Variants in SLC24A2 observed in about 807,000 individuals in gnomAD.
The protein encoded by SLC24A2 is solute carrier family 24 member 2.
A neutral mutation model predicts 62.0 loss-of-function variants in SLC24A2; 36 were observed. The observed-to-expected ratio is 0.58, with a 90% CI of 0.44 to 0.77. The LOEUF (loss-of-function observed/expected upper bound fraction) is 0.77, where lower values mean the gene tolerates loss of function less well. Among genes scored for constraint, SLC24A2 ranks in the 30% least tolerant of loss-of-function variants. The pLI, the probability that SLC24A2 is intolerant of heterozygous loss-of-function variation, is 0.00. For synonymous variants in SLC24A2, 358 were observed against 294.0 expected (o/e 1.22, Z -2.23); for missense variants, 846 against 817.9 (o/e 1.03, Z -0.42).
chr9:20,157,817 A>C, the SLC24A2 span, among the ~76,000 whole-genome samples: 1 of 151,782 alleles, frequency 6.6e-6, no homozygotes, highest in African/African-American at 2.4e-5. Context: ...TTCCATCACC[A>C]TTAGCATCAT....
the SLC24A2 span, among the ~76,000 whole-genome samples, chr9:20,019,213 A>C: frequency 3.6e-5 from 5 of 140,428 alleles, no homozygotes; most frequent in Non-Finnish European, 7.7e-5. Context: ...AAAAGAAAGA[A>C]AGAAAGACAG....
the SLC24A2 span, among the ~76,000 whole-genome samples, chr9:20,264,000 C>A: frequency 2.0e-5 from 3 of 151,982 alleles, no homozygotes; most frequent in Non-Finnish European, 4.4e-5. Flanking sequence ...AGCTGGCCCA[C>A]GTATCTGGAA....
chr9:20,277,898 A>G, the SLC24A2 span, among the ~76,000 whole-genome samples: 1 of 152,196 alleles, frequency 6.6e-6, no homozygotes, highest in African/African-American at 2.4e-5. Context: ...ATGCAATACT[A>G]TGCAATCATA....
At chr9:19,981,652 C>A in the SLC24A2 span, among the ~76,000 whole-genome samples, 1 of 152,138 alleles carries the variant, frequency 6.6e-6, no homozygotes, top group African/African-American at 2.4e-5. Context: ...AGGGATGACT[C>A]TGTTTCAAGC....
chr9:19,555,346 A>AATAT (rs1835031226), intron 7 of SLC24A2, among the ~76,000 whole-genome samples: 1 of 152,202 alleles, frequency 6.6e-6, no homozygotes, highest in African/African-American at 2.4e-5. Flanking sequence ...TCTTAGAAAT[A>AATAT]CTATGAGTCA....
chr9:20,183,323 T>A, the SLC24A2 span, among the ~76,000 whole-genome samples: 1 of 152,136 alleles, frequency 6.6e-6, no homozygotes. Context: ...GGATCATAAA[T>A]ATAAGAAAGA....
the SLC24A2 span, among the ~76,000 whole-genome samples, chr9:19,842,081 A>G: frequency 2.0e-5 from 3 of 152,232 alleles, no homozygotes; most frequent in African/African-American, 7.2e-5. Context: ...GATTGATTAC[A>G]TTAGACATCT....
At chr9:20,158,102 A>C in the SLC24A2 span, among the ~76,000 whole-genome samples, 477 of 151,866 alleles carry the variant, frequency 3.1e-3, 4 homozygotes, top group South Asian at 0.021. Flanking sequence ...ACATAGAATC[A>C]AAAATTTAAG....
intron 2 of SLC24A2, among the ~76,000 whole-genome samples, chr9:19,729,932 T>A (rs1025167085): frequency 6.6e-6 from 1 of 152,196 alleles, no homozygotes; most frequent in Admixed American, 6.6e-5. Context: ...ATTACCCTGA[T>A]CTGATTACTA....
chr9:20,260,065 AGAGT>A, the SLC24A2 span, among the ~76,000 whole-genome samples: 5 of 152,368 alleles, frequency 3.3e-5, no homozygotes, highest in East Asian at 7.7e-4. Context: ...CCTGTGTGAC[AGAGT>A]GAGACCCTGT....
In SLC24A2 at chr9:19,745,879, C is replaced by T. The variant is rs142373461; in HGVS notation, c.930+40058G>A. 1.3e-3 allele frequency among the ~76,000 whole-genome samples: 199 copies of T among 152,252 alleles called. 1 individual carries two copies. Among genetic ancestry groups the T allele is most frequent in the Non-Finnish European group, 2.4e-3 (160 of 68,018 alleles). The stretch of plus-strand genomic sequence containing the variant: ...AGAGATTAAGTGACTTTCTTAAAAT[C>T]ATAGTTAGGAAAGTGTCAGAGTTAA... On this transcript the variant is annotated intron_variant, in intron 2 of 10. Transcript: ENST00000341998.
At chr9:19,678,061 A>G (rs2118368825) in intron 2 of SLC24A2, among the ~76,000 whole-genome samples, 1 of 152,266 alleles carries the variant, frequency 6.6e-6, no homozygotes, top group Non-Finnish European at 1.5e-5. Flanking sequence ...ATCTAGCTTA[A>G]GCAGATGACT....
At chr9:19,736,471 A>G (rs1449825259) in intron 2 of SLC24A2, among the ~76,000 whole-genome samples, 1 of 152,224 alleles carries the variant, frequency 6.6e-6, no homozygotes, top group Non-Finnish European at 1.5e-5. Context: ...CTAGATAAAC[A>G]TTAACCAAAA....
chr9:19,998,261 G>A, the SLC24A2 span, among the ~76,000 whole-genome samples: 1 of 152,070 alleles, frequency 6.6e-6, no homozygotes. Flanking sequence ...CCCCTCTTCA[G>A]AAATGGGTCT....
chr9:19,958,486 G>C, the SLC24A2 span, among the ~76,000 whole-genome samples: 20 of 152,142 alleles, frequency 1.3e-4, no homozygotes, highest in Non-Finnish European at 2.4e-4. Context: ...CCCAAGCCAC[G>C]GTGTGCACGG....
At chr9:20,192,692 T>A in the SLC24A2 span, among the ~76,000 whole-genome samples, 2 of 152,206 alleles carry the variant, frequency 1.3e-5, no homozygotes, top group Non-Finnish European at 2.9e-5. Flanking sequence ...TTTAAATTCC[T>A]GATACGGGGG....
At chr9:19,544,152 C>G (rs1311844315) in intron 8 of SLC24A2, among the ~76,000 whole-genome samples, 2 of 151,698 alleles carry the variant, frequency 1.3e-5, no homozygotes, top group Admixed American at 1.3e-4. Flanking sequence ...GTTGGCTCTT[C>G]TTGTTGCATT....
chr9:19,820,058 C>CATATATATATACAT, the SLC24A2 span, among the ~76,000 whole-genome samples: 36 of 34,616 alleles, frequency 1.0e-3, 1 homozygote, highest in African/African-American at 1.6e-3. Flanking sequence ...TATATATACA[C>CATATATATATACAT]ATATATATAT....
intron 7 of SLC24A2, among the ~76,000 whole-genome samples, chr9:19,569,078 T>C (rs1387481855): frequency 2.0e-5 from 3 of 152,230 alleles, no homozygotes; most frequent in Non-Finnish European, 2.9e-5. Context: ...TTCCTTTCTT[T>C]CTGTTTTTTA....
Sources: gnomAD v4.1 joint callset for allele counts (sites outside exome capture counted in the v4.1 genomes callset) on GRCh38, gnomAD v4.1.1 for gene constraint, MANE v1.5 for transcripts, NCBI Gene and HGNC (gene_info 2026-07-23, HGNC 2026-07-21) for gene names.